Variants in ZNF547 observed in about 807,000 individuals in gnomAD.
The protein encoded by ZNF547 is zinc finger protein 547.
ZNF547 carries 4 observed loss-of-function variants against 7.7 expected under a neutral mutation model. That is an observed-to-expected ratio of 0.52 (90% confidence interval 0.26 to 1.20). The LOEUF is 1.20. ZNF547 is among the 50% of genes most tolerant of loss of function. ZNF547 has a pLI of 0.14. For synonymous variants in ZNF547, 166 were observed against 166.2 expected, an observed-to-expected ratio of 1.00 and a Z score of 0.01; for missense variants, 449 against 485.8, an observed-to-expected ratio of 0.92 and a Z score of 0.71.
intron 1 of ZNF547, 123 bp from the exon 2 acceptor site, chr19:57,368,421 G>A: frequency 1.2e-6 from 1 of 831,482 alleles, no homozygotes. Flanking sequence ...CGGAGGAGCT[G>A]AGTTTATACA....
chr19:57,376,455 C>T (rs907908677), intron 3 of ZNF547, among the ~76,000 whole-genome samples: 1 of 152,134 alleles, frequency 6.6e-6, no homozygotes, highest in East Asian at 1.9e-4. Context: ...GGGAGAAGGC[C>T]TGGAAATTAT....
In ZNF547 at chr19:57,377,452, G is replaced by A. The variant is rs751966845; in HGVS notation, c.476G>A (p.Ser159Asn). The change falls in exon 4 of 4, where the codon AGT (serine) becomes AAT (asparagine). Residue 159 changes from serine to asparagine, a missense_variant. By Grantham distance (46) the Ser-to-Asn change is conservative. Transcript: ENST00000282282. ...VHMAGKTFLC[S>N]ECGKAFSHKH... Reference sequence around the variant, plus strand: ...ATGGCAGGGAAGACCTTCTTGTGCAGTGAATGTGGGAAAGCCTTTAGCCAC... The same window carrying A: ...ATGGCAGGGAAGACCTTCTTGTGCAATGAATGTGGGAAAGCCTTTAGCCAC... 6.8e-5 allele frequency: 110 copies of A among 1,614,138 alleles called. No homozygotes were observed. Among genetic ancestry groups the A allele is most frequent in the Non-Finnish European group, 9.0e-5 (106 of 1,180,060 alleles).
rs776295251 is a variant in ZNF547, at chr19:57,371,785, C to T, written c.28C>T (p.His10Tyr). The T allele has an allele frequency of 8.1e-6, 13 of 1,610,110 alleles. No individual in the cohort carries two copies. The highest frequency in any genetic ancestry group is 1.1e-5 in the Non-Finnish European group (13 of 1,178,716). ...TTCATCTTTCCCAATTTGGCAGGGT[C>T]ATGTGGTTTTTGAAGACGTGGCCAT... MAEMNPAQG[H>Y]VVFEDVAIYF... is the part of the protein sequence containing the mutation. The change falls in exon 3 of 4, where the codon CAT becomes TAT. Residue 10 changes from histidine to tyrosine, a missense_variant. Coordinates refer to ENST00000282282, the MANE Select transcript of ZNF547 (RefSeq NM_173631.4).
At chr19:57,370,373 C>A (rs559499113) in intron 2 of ZNF547, among the ~76,000 whole-genome samples, 1 of 152,100 alleles carries the variant, frequency 6.6e-6, no homozygotes, top group Non-Finnish European at 1.5e-5. Flanking sequence ...GGGCTGCCCC[C>A]GGTGCTAGGG....
Position 57,378,015 on chromosome 19 carries a change from A to G in ZNF547, c.1039A>G (p.Thr347Ala), listed in dbSNP as rs1335704491. 1.2e-6 allele frequency: 2 copies of G among 1,614,224 alleles called. No individual in the cohort carries two copies. Among genetic ancestry groups the G allele is most frequent in the Non-Finnish European group, 1.7e-6 (2 of 1,180,038 alleles). ...CCTCATTCAACACCAAAGAGTTCAC[A>G]CTGGAGAACGGCCTTATGAATGCAG... is the stretch of plus-strand genomic sequence containing the variant. ...SVLIQHQRVH[T>A]GERPYECSEC... Residue 347 changes from threonine to alanine, a missense_variant, in exon 4 of 4, where the codon ACT (threonine) becomes GCT (alanine). Thr to Ala is a moderately conservative substitution (Grantham distance 58, BLOSUM62 0). Transcript: ENST00000282282.
chr19:57,378,621 AG>A lies in ZNF547; in HGVS notation c.*437del, dbSNP rs2088554842. On this transcript the variant is annotated 3_prime_UTR_variant, in exon 4 of 4. Coordinates refer to ENST00000282282, the MANE Select transcript of ZNF547 (RefSeq NM_173631.4). ...AAGGCCACGTATGTGCCTTGAATGT[AG>A]CCAAAATGACGAACAACACCCAGAA... is the stretch of plus-strand genomic sequence containing the variant. 5.5e-6 allele frequency: 2 copies of A among 360,990 alleles called. No homozygotes were observed. Among genetic ancestry groups the A allele is most frequent in the African/African-American group, 4.3e-5 (2 of 46,956 alleles). 22.4% of individuals were successfully genotyped at this position (360,990 alleles called of 1,614,324 possible).
At chr19:57,365,846 T>TTTTC (rs1253659735) in intron 1 of ZNF547, among the ~76,000 whole-genome samples, 2 of 149,948 alleles carry the variant, frequency 1.3e-5, no homozygotes, top group Admixed American at 1.3e-4. Flanking sequence ...TAAGCTTTCT[T>TTTTC]TTTCTTTCTT....
At chr19:57,367,573 G>C (rs2088478756) in intron 1 of ZNF547, among the ~76,000 whole-genome samples, 1 of 152,152 alleles carries the variant, frequency 6.6e-6, no homozygotes, top group Non-Finnish European at 1.5e-5. Flanking sequence ...ACCATAGGTG[G>C]AGCCATAAGC....
At chr19:57,368,289 C>T (rs769760526) in intron 1 of ZNF547, 22 of 449,720 alleles carry the variant, frequency 4.9e-5, no homozygotes, top group East Asian at 2.5e-4. Flanking sequence ...TGTTTGACAC[C>T]GGTAAGAGTC....
chr19:57,369,329 T>C (rs1600076412), intron 2 of ZNF547, among the ~76,000 whole-genome samples: 1 of 152,058 alleles, frequency 6.6e-6, no homozygotes, highest in Non-Finnish European at 1.5e-5. Flanking sequence ...CCCATGGTTT[T>C]TGTTTGGAAG....
chr19:57,368,667 ACT>A (rs2088486104), intron 2 of ZNF547, 88 bp downstream of exon 2: 16 of 1,292,920 alleles, frequency 1.2e-5, no homozygotes, highest in African/African-American at 2.9e-5. Context: ...GTGTCCAGAG[ACT>A]CTCTTTCTGT....
intron 3 of ZNF547, among the ~76,000 whole-genome samples, chr19:57,375,277 G>T (rs375449057): frequency 6.6e-6 from 1 of 152,054 alleles, no homozygotes; most frequent in Non-Finnish European, 1.5e-5. Flanking sequence ...TTGCACCCAG[G>T]GGGTGGAAGT....
Position 57,378,440 on chromosome 19 carries a change from A to G in ZNF547, c.*255A>G. The G allele has an allele frequency of 3.0e-6, 2 of 656,426 alleles. No homozygotes were observed. The highest frequency in any genetic ancestry group is 5.7e-6 in the Non-Finnish European group (2 of 353,194). 40.7% of individuals were successfully genotyped at this position (656,426 alleles called of 1,614,324 possible). A position where few individuals can be genotyped will look rare whatever the true frequency, so the allele number is the denominator to read the frequency against. On this transcript the variant is annotated 3_prime_UTR_variant, in exon 4 of 4. Coordinates refer to ENST00000282282, the MANE Select transcript of ZNF547 (RefSeq NM_173631.4). Reference sequence around the variant, plus strand: ...TTTACACTGAAGAAGAGTCTTTTCAATAAAGTAGAAAGTGGTAAAGATTCA... The same window carrying G: ...TTTACACTGAAGAAGAGTCTTTTCAGTAAAGTAGAAAGTGGTAAAGATTCA...
chr19:57,372,112 G>T (rs1036107586), intron 3 of ZNF547, among the ~76,000 whole-genome samples: 3 of 151,522 alleles, frequency 2.0e-5, no homozygotes, highest in Admixed American at 2.0e-4. Context: ...CTGTTCTGAG[G>T]CTTGCAAGAA....
intron 2 of ZNF547, among the ~76,000 whole-genome samples, chr19:57,369,802 A>C (rs571887661): frequency 6.6e-6 from 1 of 150,672 alleles, no homozygotes; most frequent in Non-Finnish European, 1.5e-5. Context: ...GAATGAGATG[A>C]GGATGGGAAT....
At position 57,368,892 on chromosome 19, in the gene ZNF547, T is replaced by C. The variant is rs138729963; in HGVS notation, c.24+313T>C. ...ACAAGATTAAGAATGTTTCAGTGTT[T>C]AGAGGAGAGACTGAACTGGATTTTT... On this transcript the variant is annotated intron_variant, in intron 2 of 3. Coordinates refer to ENST00000282282, the MANE Select transcript of ZNF547 (RefSeq NM_173631.4). Among the ~76,000 whole-genome samples the C allele has an allele frequency of 2.5e-3, 380 of 152,298 alleles. 1 individual carries two copies. Among genetic ancestry groups the C allele is most frequent in the African/African-American group, 8.6e-3 (356 of 41,560 alleles).
intron 1 of ZNF547, chr19:57,364,683 G>A (rs914199630): frequency 1.0e-5 from 7 of 673,004 alleles, no homozygotes; most frequent in Admixed American, 5.1e-5. Context: ...GGAGATTGCA[G>A]TGAGCCAAGA....
At chr19:57,371,623 G>A in intron 2 of ZNF547, 159 bp from the exon 3 acceptor site, 2 of 1,143,514 alleles carry the variant, frequency 1.7e-6, no homozygotes, top group Non-Finnish European at 2.5e-6. Flanking sequence ...AGATGGTTAA[G>A]AATATGTGCC....
At chr19:57,373,159 A>G (rs950670651) in intron 3 of ZNF547, among the ~76,000 whole-genome samples, 1 of 152,206 alleles carries the variant, frequency 6.6e-6, no homozygotes, top group African/African-American at 2.4e-5. Flanking sequence ...GGCCTCAGGA[A>G]ACTTACAGTC....
Sources: allele counts gnomAD v4.1 joint callset (sites outside exome capture counted in the v4.1 genomes callset), GRCh38; gene constraint gnomAD v4.1.1; transcripts MANE v1.5; gene names NCBI Gene and HGNC (gene_info 2026-07-23, HGNC 2026-07-21).